The following SUPT3H variants were observed in gnomAD, a reference collection of about 807,000 sequenced individuals.
The protein encoded by SUPT3H is transcription initiation protein SPT3 homolog.
SUPT3H carries 44 observed loss-of-function variants against 44.3 expected under a neutral mutation model. The ratio of observed to expected loss-of-function variants is 0.99; its 90% CI spans 0.78 to 1.28. The LOEUF (loss-of-function observed/expected upper bound fraction) is 1.28. Ranked by LOEUF, SUPT3H falls within the 50% of genes most tolerant of loss-of-function variation. The probability of loss-of-function intolerance (pLI) is 0.00; values close to 1 mark genes in which losing one functional copy is unlikely to be tolerated. For synonymous variants in SUPT3H, 124 were observed against 125.6 expected (o/e 0.99, Z 0.09); for missense variants, 380 against 387.1 (o/e 0.98, Z 0.15).
chr6:45,029,599 T>C (rs1308913674), intron 3 of SUPT3H, among the ~76,000 whole-genome samples: 1 of 152,096 alleles, frequency 6.6e-6, no homozygotes, highest in East Asian at 1.9e-4. Flanking sequence ...TTTTAACCTG[T>C]TTTGCACACA....
At chr6:44,932,956 T>C (rs1166184725) in intron 9 of SUPT3H, among the ~76,000 whole-genome samples, 193 bp from the exon 10 acceptor site, 1 of 152,174 alleles carries the variant, frequency 6.6e-6, no homozygotes, top group East Asian at 1.9e-4. Context: ...GACCCCTTTC[T>C]AGCAGACCTA....
At chr6:45,114,954 T>C (rs1197453552) in intron 2 of SUPT3H, among the ~76,000 whole-genome samples, 2 of 152,154 alleles carry the variant, frequency 1.3e-5, no homozygotes, top group African/African-American at 2.4e-5. Flanking sequence ...CCAGAACTCA[T>C]TGTACAACAA....
intron 10 of SUPT3H, among the ~76,000 whole-genome samples, chr6:44,889,863 T>C (rs1381185858): frequency 2.6e-5 from 4 of 152,048 alleles, no homozygotes; most frequent in Non-Finnish European, 5.9e-5. Context: ...AACCTACTTA[T>C]CTGACAAAGG....
chr6:45,082,656 T>C (rs1562421538), intron 3 of SUPT3H, among the ~76,000 whole-genome samples: 1 of 151,808 alleles, frequency 6.6e-6, no homozygotes, highest in Non-Finnish European at 1.5e-5. Flanking sequence ...CATATCATAC[T>C]ACCAACATCA....
chr6:44,819,102 T>C (rs921402266), intron 11 of SUPT3H, among the ~76,000 whole-genome samples: 2 of 152,130 alleles, frequency 1.3e-5, no homozygotes, highest in African/African-American at 4.8e-5. Flanking sequence ...GATGAACAAA[T>C]TGTAGTGCAT....
intron 2 of SUPT3H, among the ~76,000 whole-genome samples, chr6:45,181,446 G>A (rs1427405151): frequency 1.3e-5 from 2 of 152,028 alleles, no homozygotes; most frequent in Non-Finnish European, 2.9e-5. Context: ...ATTCACAATA[G>A]CATAGATTTG....
chr6:45,185,010 C>A (rs12206568), intron 2 of SUPT3H, among the ~76,000 whole-genome samples: 1 of 152,014 alleles, frequency 6.6e-6, no homozygotes, highest in African/African-American at 2.4e-5. Context: ...ACTTACCCAA[C>A]AGTAGTCAAT....
intron 8 of SUPT3H, among the ~76,000 whole-genome samples, 166 bp from the exon 9 acceptor site, chr6:44,953,583 C>T (rs10948187): frequency 0.42 from 63,441 of 151,954 alleles, 13,625 homozygotes; most frequent in East Asian, 0.7. Flanking sequence ...GTGAATGGAC[C>T]TAGTCATGAT....
chr6:45,257,889 T>C (rs1479580482), intron 2 of SUPT3H, among the ~76,000 whole-genome samples: 1 of 152,234 alleles, frequency 6.6e-6, no homozygotes, highest in Non-Finnish European at 1.5e-5. Flanking sequence ...TACCTCATTT[T>C]TATTATTTTT....
chr6:45,261,949 C>G (rs1459192370), intron 2 of SUPT3H, among the ~76,000 whole-genome samples: 1 of 151,890 alleles, frequency 6.6e-6, no homozygotes, highest in Non-Finnish European at 1.5e-5. Flanking sequence ...AAGCTGAAAG[C>G]CAAATAAAAA....
chr6:45,358,725 G>C (rs2150235395), intron 2 of SUPT3H, among the ~76,000 whole-genome samples: 1 of 152,194 alleles, frequency 6.6e-6, no homozygotes, highest in Admixed American at 6.5e-5. Context: ...AAAGTTTTCA[G>C]ATTTTTGAAA....
Position 45,020,537 on chromosome 6 carries a change from T to C in SUPT3H, c.273+9A>G, listed in dbSNP as rs748288513. The C allele has an allele frequency of 3.8e-6, 6 of 1,599,304 alleles. No homozygotes were observed. The highest frequency in any genetic ancestry group is 1.7e-5 in the Admixed American group (1 of 59,124). ...TGGATTTTAATACAATAAAATTATG[T>C]TATATTACCTTATCTTTGCGCATCA... On this transcript the variant is annotated intron_variant, in intron 4 of 10. Transcript: ENST00000371459.
Position 45,221,208 on chromosome 6 carries a change from C to T in SUPT3H, c.102-115202G>A, listed in dbSNP as rs574512110. On this transcript the variant is annotated intron_variant, in intron 2 of 10. Coordinates refer to ENST00000371459, the MANE Select transcript of SUPT3H (RefSeq NM_003599.4). ...TGGACACAGGGTGGGAAACATCATA[C>T]ACCAGGGCCTGTCATGGGGTGGGGG... 2.0e-5 allele frequency among the ~76,000 whole-genome samples: 3 copies of T among 152,218 alleles called. No homozygotes were observed. In the East Asian group the frequency reaches 5.8e-4, roughly 29 times the overall value.
At chr6:44,863,679 T>C (rs956783568) in intron 10 of SUPT3H, among the ~76,000 whole-genome samples, 5 of 151,972 alleles carry the variant, frequency 3.3e-5, no homozygotes, top group Admixed American at 1.3e-4. Flanking sequence ...GGCCAGATCA[T>C]GTGGGGCTGT....
intron 9 of SUPT3H, among the ~76,000 whole-genome samples, chr6:44,934,469 T>A (rs1279243654): frequency 6.6e-6 from 1 of 152,176 alleles, no homozygotes; most frequent in African/African-American, 2.4e-5. Context: ...TCTAAGATAT[T>A]ATATGAAACA....
chr6:45,275,971 T>C (rs1776949103), intron 2 of SUPT3H, among the ~76,000 whole-genome samples: 1 of 152,088 alleles, frequency 6.6e-6, no homozygotes, highest in South Asian at 2.1e-4. Context: ...AGTATTATCT[T>C]TTTTCTATTC....
chr6:45,023,832 A>C (rs1785529137), intron 3 of SUPT3H, among the ~76,000 whole-genome samples: 1 of 152,176 alleles, frequency 6.6e-6, no homozygotes. Flanking sequence ...TGATGAAATA[A>C]TCTGTATAAC....
rs1788237922 is a variant in SUPT3H, at chr6:45,039,784, C to CA, written c.187-19153dup. The stretch of plus-strand genomic sequence containing the variant: ...TAGGCAACTAAGAGAGACTATGTCT[C>CA]AAAAAAAGAAAAAAACAAAAACAAA... On this transcript the variant is annotated intron_variant, in intron 3 of 10. Coordinates refer to ENST00000371459, the MANE Select transcript of SUPT3H (RefSeq NM_003599.4). Among the ~76,000 whole-genome samples the CA allele has an allele frequency of 4.2e-5, 6 of 142,534 alleles. No homozygotes were observed. The South Asian group carries it at 9.0e-4, about 21-fold the overall frequency. The allele number at this position is 142,534 out of a possible 152,430, so 93.5% of individuals were successfully genotyped here. A position where few individuals can be genotyped will look rare whatever the true frequency, so the allele number is the denominator to read the frequency against.
intron 6 of SUPT3H, among the ~76,000 whole-genome samples, chr6:44,979,851 T>C (rs959136046): frequency 2.6e-5 from 4 of 152,344 alleles, no homozygotes; most frequent in Non-Finnish European, 4.4e-5. Flanking sequence ...ATTGGAATTA[T>C]TAAGTTCTTT....
Sources: gnomAD v4.1 joint callset for allele counts (sites outside exome capture counted in the v4.1 genomes callset) on GRCh38, gnomAD v4.1.1 for gene constraint, MANE v1.5 for transcripts, NCBI Gene and HGNC (gene_info 2026-07-23, HGNC 2026-07-21) for gene names.